The following OPRD1 variants were observed in gnomAD, a reference collection of about 807,000 sequenced individuals.
OPRD1 encodes the protein opioid receptor delta 1.
OPRD1 carries 19 observed loss-of-function variants against 17.5 expected under a neutral mutation model. The ratio of observed to expected loss-of-function variants is 1.09; its 90% CI spans 0.76 to 1.60. The LOEUF is 1.60. Ranked by LOEUF, OPRD1 falls within the 40% of genes most tolerant of loss-of-function variation. OPRD1 has a pLI of 0.00. For missense variants in OPRD1, 483 were observed against 547.2 expected, an observed-to-expected ratio of 0.88 and a Z score of 1.17; for synonymous variants, 256 against 240.9, an observed-to-expected ratio of 1.06 and a Z score of -0.58.
intron 1 of OPRD1, among the ~76,000 whole-genome samples, chr1:28,829,688 G>A (rs962604321): frequency 6.6e-6 from 1 of 150,914 alleles, no homozygotes; most frequent in Admixed American, 6.6e-5. Context: ...TTGATCTACA[G>A]TGCAAGACAT....
At chr1:28,828,526 T>TA (rs532877645) in intron 1 of OPRD1, among the ~76,000 whole-genome samples, 47 of 151,950 alleles carry the variant, frequency 3.1e-4, no homozygotes, top group Non-Finnish European at 6.0e-4. Context: ...CATTAGCCCC[T>TA]AATGAGTCAG....
chr1:28,831,798 A>G (rs2088810698), intron 1 of OPRD1, among the ~76,000 whole-genome samples: 1 of 151,948 alleles, frequency 6.6e-6, no homozygotes, highest in Non-Finnish European at 1.5e-5. Flanking sequence ...TTGGCCTCCC[A>G]AAGTACTGGG....
chr1:28,849,272 G>T (rs114582496), intron 1 of OPRD1, among the ~76,000 whole-genome samples: 10 of 152,132 alleles, frequency 6.6e-5, no homozygotes, highest in East Asian at 5.8e-4. Flanking sequence ...GAGATGGGGG[G>T]ACTCCCGGGC....
rs1261823360 is a variant in OPRD1 at position 28,812,428 on chromosome 1, C to T, written c.45C>T (p.Leu15=). Residue 15 remains leucine, a synonymous_variant, in exon 1 of 3, where the codon CTC becomes CTT. Coordinates refer to ENST00000234961, the MANE Select transcript of OPRD1 (RefSeq NM_000911.4). ...PSAGAELQPP[L]FANASDAYPS... The stretch of plus-strand genomic sequence containing the variant: ...CCGGCGCCGAGCTGCAGCCCCCGCT[C>T]TTCGCCAACGCCTCGGACGCCTACC... 3.4e-6 allele frequency: 5 copies of T among 1,490,140 alleles called. No homozygotes were observed. In the South Asian group the frequency reaches 5.0e-5, roughly 15 times the overall value. 92.3% of individuals were successfully genotyped at this position (1,490,140 alleles called of 1,614,324 possible).
intron 1 of OPRD1, among the ~76,000 whole-genome samples, chr1:28,820,621 T>G (rs969208464): frequency 3.3e-5 from 5 of 151,348 alleles, no homozygotes; most frequent in Admixed American, 2.6e-4. Context: ...AGTCCAGGAG[T>G]TCGAGACCAG....
rs2089088107 is a variant in OPRD1 at position 28,859,181 on chromosome 1, AC to A, written c.458del (p.Pro153LeufsTer15). The A allele has an allele frequency of 6.2e-7, 1 of 1,614,076 alleles. No homozygotes were observed. The highest frequency in any genetic ancestry group is 1.7e-5 in the Admixed American group (1 of 60,004). On this transcript the variant is annotated frameshift_variant, in exon 2 of 3. Transcript: ENST00000234961. LOFTEE classifies it high-confidence loss of function. Reference protein sequence around the residue: ...MSVDRYIAVCHPVKALDFRTP... With the variant: ...MSVDRYIAVCXPVKALDFRTP... ...GTTGACCGCTACATCGCTGTCTGCC[AC>A]CCTGTCAAGGCCCTGGACTTCCGCA... is the stretch of plus-strand genomic sequence containing the variant.
In OPRD1 at chr1:28,812,545, G is replaced by A. The variant is rs199851470; in HGVS notation, c.162G>A (p.Ala54=). 16 of 1,583,950 alleles carry A rather than the reference G, an allele frequency of 1.0e-5. No individual in the cohort carries two copies. Among genetic ancestry groups the A allele is most frequent in the African/African-American group, 1.4e-5 (1 of 72,458 alleles). ...TCGCCCTGGCAATCGCCATCACCGC[G>A]CTCTACTCGGCCGTGTGCGCCGTGG... ...SSLALAIAIT[A]LYSAVCAVGL... is the part of the protein sequence containing the mutation. Residue 54 remains alanine, a synonymous_variant, in exon 1 of 3, where the codon GCG becomes GCA. Transcript: ENST00000234961.
At chr1:28,852,519 T>C (rs932138518) in intron 1 of OPRD1, among the ~76,000 whole-genome samples, 1 of 152,060 alleles carries the variant, frequency 6.6e-6, no homozygotes, top group African/African-American at 2.4e-5. Flanking sequence ...TAAAACTATA[T>C]TGGAGCCAGA....
At chr1:28,843,412 T>C (rs1471358679) in intron 1 of OPRD1, among the ~76,000 whole-genome samples, 2 of 152,100 alleles carry the variant, frequency 1.3e-5, no homozygotes. Flanking sequence ...AAACTGAATC[T>C]CCATACCATT....
intron 1 of OPRD1, among the ~76,000 whole-genome samples, chr1:28,846,379 T>C (rs1488478201): frequency 6.6e-6 from 1 of 152,168 alleles, no homozygotes; most frequent in Non-Finnish European, 1.5e-5. Context: ...TGGTGAGGGC[T>C]GTCTTCCTGG....
chr1:28,849,481 C>T (rs180690352), intron 1 of OPRD1, among the ~76,000 whole-genome samples: 2 of 152,338 alleles, frequency 1.3e-5, no homozygotes, highest in East Asian at 3.9e-4. Flanking sequence ...AGAGCCCTCA[C>T]ACTGATACAC....
chr1:28,866,546 A>C lies in OPRD1; in HGVS notation c.*3263A>C, dbSNP rs2089176625. 1 of 152,166 alleles carries C rather than the reference A, an allele frequency of 6.6e-6. No individual in the cohort carries two copies. The highest frequency in any genetic ancestry group is 6.5e-5 in the Admixed American group (1 of 15,276). 9.4% of individuals were successfully genotyped at this position (152,166 alleles called of 1,614,324 possible). A position where few individuals can be genotyped will look rare whatever the true frequency, so the allele number is the denominator to read the frequency against. On this transcript the variant is annotated 3_prime_UTR_variant, in exon 3 of 3. Transcript: ENST00000234961. ...AGTAGTGTTATCCCCATTGAGGACAAAGAGAGCTGAGGCTGAGAGAGGTCA... is the reference window on the plus strand; with the variant it reads ...AGTAGTGTTATCCCCATTGAGGACACAGAGAGCTGAGGCTGAGAGAGGTCA...
intron 1 of OPRD1, among the ~76,000 whole-genome samples, chr1:28,841,088 A>G (rs1314780889): frequency 1.3e-5 from 2 of 152,222 alleles, no homozygotes; most frequent in African/African-American, 2.4e-5. Context: ...ATAGTTATCC[A>G]TGAATACTGG....
intron 1 of OPRD1, among the ~76,000 whole-genome samples, chr1:28,833,727 G>A (rs557155779): frequency 2.0e-5 from 3 of 152,130 alleles, no homozygotes; most frequent in South Asian, 2.1e-4. Flanking sequence ...TTGAGTCCTG[G>A]TACTACAACC....
intron 1 of OPRD1, among the ~76,000 whole-genome samples, chr1:28,825,354 T>C (rs2088758000): frequency 6.6e-6 from 1 of 151,956 alleles, no homozygotes; most frequent in African/African-American, 2.4e-5. Flanking sequence ...AGGCAGGGAG[T>C]GGCTGGAAAT....
intron 1 of OPRD1, among the ~76,000 whole-genome samples, chr1:28,823,678 G>A (rs1446480032): frequency 1.3e-5 from 2 of 151,934 alleles, no homozygotes; most frequent in Non-Finnish European, 2.9e-5. Context: ...ACAGGCGTGA[G>A]CCACTGTGCC....
At chr1:28,834,299 G>C (rs2088831774) in intron 1 of OPRD1, among the ~76,000 whole-genome samples, 1 of 151,838 alleles carries the variant, frequency 6.6e-6, no homozygotes, top group Admixed American at 6.6e-5. Flanking sequence ...GGCAGGAACT[G>C]TGTCACATTC....
chr1:28,853,964 C>A (rs2089032475), intron 1 of OPRD1, among the ~76,000 whole-genome samples: 1 of 152,004 alleles, frequency 6.6e-6, no homozygotes, highest in Non-Finnish European at 1.5e-5. Context: ...TGGTCTTCAA[C>A]TCCTGAGCTC....
At chr1:28,860,937 C>T (rs2089109022) in intron 2 of OPRD1, among the ~76,000 whole-genome samples, 1 of 152,170 alleles carries the variant, frequency 6.6e-6, no homozygotes, top group Non-Finnish European at 1.5e-5. Flanking sequence ...TGTCAGCCTT[C>T]AGCTTACGGG....
Sources: gnomAD v4.1 joint callset for allele counts (sites outside exome capture counted in the v4.1 genomes callset) on GRCh38, gnomAD v4.1.1 for gene constraint, MANE v1.5 for transcripts, NCBI Gene and HGNC (gene_info 2026-07-23, HGNC 2026-07-21) for gene names.